Variants in CFAP45 observed in about 807,000 individuals in gnomAD.
CFAP45 encodes cilia and flagella associated protein 45, also known as cilia- and flagella-associated protein 45.
Under a neutral mutation model 75.6 loss-of-function variants are expected in CFAP45, and 43 were observed. That is an observed-to-expected ratio of 0.57 (90% CI 0.45 to 0.73). The LOEUF is 0.73. CFAP45 is among the 30% of genes least tolerant of loss of function. The pLI, the probability that CFAP45 is intolerant of heterozygous loss-of-function variation, is 0.00. For synonymous variants in CFAP45, 223 were observed against 244.6 expected (o/e 0.91, Z 0.82); for missense variants, 689 against 701.5 (o/e 0.98, Z 0.20).
chr1:159,876,787 T>C, intron 9 of CFAP45, 38 bp from the exon 10 acceptor site: 2 of 1,611,438 alleles, frequency 1.2e-6, no homozygotes, highest in East Asian at 2.2e-5. Context: ...GGGCACAAAA[T>C]AGCTGGAAGT....
At chr1:159,899,950 C>G in intron 1 of CFAP45, 146 bp downstream of exon 1, 1 of 757,590 alleles carries the variant, frequency 1.3e-6, no homozygotes, top group Non-Finnish European at 2.2e-6. Flanking sequence ...CAGGATCTCC[C>G]TTGCTTCTTC....
chr1:159,883,315 G>GAATGA (rs1649594506), intron 7 of CFAP45, among the ~76,000 whole-genome samples: 1 of 132,654 alleles, frequency 7.5e-6, no homozygotes, highest in African/African-American at 2.7e-5. Context: ...TGAATGAATG[G>GAATGA]GGGAACTCTT....
chr1:159,872,789 C>T (rs994638799), intron 11 of CFAP45, among the ~76,000 whole-genome samples, 155 bp downstream of exon 11: 2 of 152,230 alleles, frequency 1.3e-5, no homozygotes, highest in East Asian at 3.9e-4. Flanking sequence ...GCTGGAGCCC[C>T]CTTCAGAGGG....
At chr1:159,891,405 A>C (rs1649826273) in intron 2 of CFAP45, among the ~76,000 whole-genome samples, 1 of 152,222 alleles carries the variant, frequency 6.6e-6, no homozygotes, top group Non-Finnish European at 1.5e-5. Flanking sequence ...AAATCGCTAA[A>C]TGACCTGCAG....
chr1:159,889,034 A>C (rs1649763123), intron 3 of CFAP45, among the ~76,000 whole-genome samples: 1 of 152,168 alleles, frequency 6.6e-6, no homozygotes, highest in Non-Finnish European at 1.5e-5. Context: ...GGATGACATA[A>C]AAACGGCAAG....
At position 159,876,444 on chromosome 1, in the gene CFAP45, G is replaced by A. The variant is rs994821969; in HGVS notation, c.1352+112C>T. 3.1e-5 allele frequency: 24 copies of A among 784,136 alleles called. No individual in the cohort carries two copies. The East Asian group carries it at 6.4e-4, about 21-fold the overall frequency. The allele number at this position is 784,136 out of a possible 1,614,324, so 48.6% of individuals were successfully genotyped here. On this transcript the variant is annotated intron_variant, in intron 10 of 11. Transcript: ENST00000368099. ...TAGTTATAATGATCCCACCAACCCA[G>A]ACAAGATCGACGAGCATCTGTTAAC...
At chr1:159,876,294 T>C (rs949955837) in intron 10 of CFAP45, 6 of 537,054 alleles carry the variant, frequency 1.1e-5, no homozygotes, top group African/African-American at 5.7e-5. Flanking sequence ...TTTATACTTT[T>C]ACTGTTCCAG....
In CFAP45 at chr1:159,887,830, G is replaced by T. The variant is rs377610091; in HGVS notation, c.588+11C>A. ...GAATGCTCAGAGGGAAGGGAGAGAC[G>T]AAGAGCCCACCTTGCTCATGTCCTT... On this transcript the variant is annotated intron_variant, in intron 5 of 11. Transcript: ENST00000368099. The T allele has an allele frequency of 6.2e-7, 1 of 1,605,638 alleles. No homozygotes were observed. The highest frequency in any genetic ancestry group is 1.7e-5 in the Admixed American group (1 of 59,580).
chr1:159,873,196 A>G, intron 10 of CFAP45, 28 bp from the exon 11 acceptor site: 1 of 1,600,272 alleles, frequency 6.2e-7, no homozygotes, highest in East Asian at 2.2e-5. Context: ...GAATGGAATG[A>G]ACTCAGCTGA....
Position 159,884,378 on chromosome 1 carries a change from T to C in CFAP45, c.897+58A>G, listed in dbSNP as rs190672368. On this transcript the variant is annotated intron_variant, in intron 7 of 11. Transcript: ENST00000368099. ...GTCAACACCCTGAAACCCCAGAGTC[T>C]TGAAGGGTTTTGATGCTGCAGCTGG... 4.6e-4 allele frequency: 709 copies of C among 1,545,744 alleles called. 2 individuals carry two copies. The African/African-American group carries it at 8.6e-3, about 19-fold the overall frequency.
chr1:159,892,197 G>A (rs1402290481), intron 2 of CFAP45, among the ~76,000 whole-genome samples: 2 of 152,260 alleles, frequency 1.3e-5, no homozygotes, highest in East Asian at 3.9e-4. Context: ...TGAGGCAGGA[G>A]AATCACTTGA....
chr1:159,884,598 A>G lies in CFAP45; in HGVS notation c.768-33T>C, dbSNP rs758594790. 7 of 1,603,470 alleles carry G rather than the reference A, an allele frequency of 4.4e-6. No homozygotes were observed. The Admixed American group carries it at 1.2e-4, about 27-fold the overall frequency. ...AGAACAGTGCCACAGTGTCTTAGAA[A>G]CCCCGGGTCCACATCTCCCAGAGTC... On this transcript the variant is annotated intron_variant, in intron 6 of 11. Coordinates refer to ENST00000368099, the MANE Select transcript of CFAP45 (RefSeq NM_012337.3).
rs199638369 is a variant in CFAP45 at position 159,877,321 on chromosome 1, T to C, written c.1158+28A>G. On this transcript the variant is annotated intron_variant, in intron 9 of 11. Coordinates refer to ENST00000368099, the MANE Select transcript of CFAP45 (RefSeq NM_012337.3). ...TGGATAGGCAAGGGAGTGGGAAAAG[T>C]AGAGGGAAGTCGAGACTAAGCAGGT... 2.7e-5 allele frequency: 40 copies of C among 1,467,032 alleles called. No homozygotes were observed. In the East Asian group the frequency reaches 7.9e-4, roughly 29 times the overall value. The allele number at this position is 1,467,032 out of a possible 1,614,324, so 90.9% of individuals were successfully genotyped here.
intron 6 of CFAP45, among the ~76,000 whole-genome samples, chr1:159,885,964 C>T (rs1309482476): frequency 6.6e-6 from 1 of 152,162 alleles, no homozygotes; most frequent in Non-Finnish European, 1.5e-5. Context: ...GGAAAAAGCA[C>T]AGAGTAGATG....
intron 1 of CFAP45, among the ~76,000 whole-genome samples, chr1:159,896,065 T>G (rs992476212): frequency 2.6e-5 from 4 of 152,236 alleles, no homozygotes; most frequent in African/African-American, 9.6e-5. Context: ...GTATGTGGTC[T>G]CCACTGTGGA....
rs372167226 is a variant in CFAP45, at chr1:159,900,095, C to T, written c.3+1G>A. Reference sequence around the variant, plus strand: ...GGGGCCCATCTGAGGTTCTCCCTCACCATCTCCTCAGCCACACGCCCTGAC... The same window carrying T: ...GGGGCCCATCTGAGGTTCTCCCTCATCATCTCCTCAGCCACACGCCCTGAC... On this transcript the variant is annotated splice_donor_variant, in intron 1 of 11. Coordinates refer to ENST00000368099, the MANE Select transcript of CFAP45 (RefSeq NM_012337.3). LOFTEE classifies it high-confidence loss of function. 14 of 1,614,064 alleles carry T rather than the reference C, an allele frequency of 8.7e-6. No individual in the cohort carries two copies. Among genetic ancestry groups the T allele is most frequent in the African/African-American group, 1.3e-5 (1 of 74,934 alleles).
At chr1:159,891,364 C>A (rs1486749215) in intron 2 of CFAP45, among the ~76,000 whole-genome samples, 1 of 152,044 alleles carries the variant, frequency 6.6e-6, no homozygotes, top group Non-Finnish European at 1.5e-5. Context: ...ATTACTTTAA[C>A]CCCCACAAAA....
chr1:159,900,153 A>C lies in CFAP45; in HGVS notation c.-55T>G, dbSNP rs1024466462. The C allele has an allele frequency of 7.4e-6, 12 of 1,613,390 alleles. No homozygotes were observed. In the African/African-American group the frequency reaches 1.5e-4, roughly 20 times the overall value. On this transcript the variant is annotated 5_prime_UTR_variant, in exon 1 of 12. Coordinates refer to ENST00000368099, the MANE Select transcript of CFAP45 (RefSeq NM_012337.3). ...TTCTGCTGCCGCCTCGGCGCCGCCAAGGCCCTAGTGTTGACGCGTTACCTT... is the reference window on the plus strand; with the variant it reads ...TTCTGCTGCCGCCTCGGCGCCGCCACGGCCCTAGTGTTGACGCGTTACCTT...
At chr1:159,881,955 C>T (rs1649560693) in intron 7 of CFAP45, among the ~76,000 whole-genome samples, 1 of 152,242 alleles carries the variant, frequency 6.6e-6, no homozygotes, top group African/African-American at 2.4e-5. Flanking sequence ...CCTCCCTGGC[C>T]TTCCAGGTCT....
Sources: allele counts gnomAD v4.1 joint callset (sites outside exome capture counted in the v4.1 genomes callset), GRCh38; gene constraint gnomAD v4.1.1; transcripts MANE v1.5; gene names NCBI Gene and HGNC (gene_info 2026-07-23, HGNC 2026-07-21).